FRMD5: variants seen among roughly 807,000 people sequenced by gnomAD.
FRMD5 encodes FERM domain-containing protein 5.
A neutral mutation model predicts 69.0 loss-of-function variants in FRMD5; 20 were observed. The observed-to-expected ratio is 0.29, with a 90% confidence interval of 0.20 to 0.42. The LOEUF is 0.42. FRMD5 is among the 10% of genes least tolerant of loss of function. The pLI, the probability that FRMD5 is intolerant of heterozygous loss-of-function variation, is 1.00. For missense variants in FRMD5, 595 were observed against 708.6 expected, an observed-to-expected ratio of 0.84 and a Z score of 1.82; for synonymous variants, 271 against 260.1, an observed-to-expected ratio of 1.04 and a Z score of -0.40.
chr15:43,884,586 GAGA>G, intron 12 of FRMD5, 138 bp downstream of exon 12: 1 of 642,590 alleles, frequency 1.6e-6, no homozygotes, highest in South Asian at 2.1e-5. Context: ...CCATCCCTCT[GAGA>G]AGTTTCTTCA....
intron 4 of FRMD5, 43 bp downstream of exon 4, chr15:43,919,416 C>G: frequency 6.4e-7 from 1 of 1,562,920 alleles, no homozygotes. Context: ...TTCCTATGCT[C>G]TCCAACAGGT....
chr15:44,174,141 T>C (rs142268979), intron 1 of FRMD5, among the ~76,000 whole-genome samples: 13 of 152,302 alleles, frequency 8.5e-5, no homozygotes, highest in African/African-American at 3.1e-4. Context: ...TTCTGCTCAA[T>C]GTAACCATGC....
intron 1 of FRMD5, among the ~76,000 whole-genome samples, chr15:44,186,457 CCTGA>C (rs2078103485): frequency 1.3e-5 from 2 of 152,154 alleles, no homozygotes; most frequent in African/African-American, 4.8e-5. Context: ...GGATAATTTG[CCTGA>C]CTAAGGAGTG....
At chr15:43,875,810 T>TTTTTTTTTTTTTTTTTA in intron 13 of FRMD5, 1 of 366,270 alleles carries the variant, frequency 2.7e-6, no homozygotes, top group Non-Finnish European at 5.0e-6. Context: ...CCTAGTTTTT[T>TTTTTTTTTTTTTTTTTA]TTTTTTTTTT....
chr15:44,071,641 C>T (rs377674124), intron 1 of FRMD5, among the ~76,000 whole-genome samples: 3 of 152,006 alleles, frequency 2.0e-5, no homozygotes, highest in African/African-American at 7.3e-5. Context: ...CATGGGTATC[C>T]AGAGTTGATT....
At chr15:43,968,683 G>A (rs1045846426) in intron 1 of FRMD5, among the ~76,000 whole-genome samples, 6 of 152,024 alleles carry the variant, frequency 3.9e-5, no homozygotes, top group East Asian at 1.9e-4. Context: ...AATATATGCC[G>A]GGTGTTTTAT....
At chr15:44,049,901 T>C (rs973186710) in intron 1 of FRMD5, among the ~76,000 whole-genome samples, 2 of 152,224 alleles carry the variant, frequency 1.3e-5, no homozygotes, top group African/African-American at 4.8e-5. Flanking sequence ...AACATCTTTA[T>C]TGGAAAGTTA....
At chr15:44,019,529 A>T (rs1891115017) in intron 1 of FRMD5, among the ~76,000 whole-genome samples, 1 of 151,812 alleles carries the variant, frequency 6.6e-6, no homozygotes, top group Non-Finnish European at 1.5e-5. Context: ...TCAGATCCGG[A>T]GTTCGAGACC....
chr15:43,951,980 T>TG (rs1443393652), intron 1 of FRMD5, among the ~76,000 whole-genome samples: 1 of 107,706 alleles, frequency 9.3e-6, no homozygotes, highest in African/African-American at 7.0e-5. Flanking sequence ...TGTGTGTGTG[T>TG]TGTGTGTGTG....
At chr15:44,055,564 G>A (rs975302251) in intron 1 of FRMD5, among the ~76,000 whole-genome samples, 2 of 152,048 alleles carry the variant, frequency 1.3e-5, no homozygotes, top group Non-Finnish European at 2.9e-5. Flanking sequence ...TTAAAACATT[G>A]AAAATAAATT....
intron 4 of FRMD5, among the ~76,000 whole-genome samples, chr15:43,915,883 G>C (rs2089377228): frequency 6.6e-6 from 1 of 152,158 alleles, no homozygotes. Context: ...TGGGATGGAG[G>C]GCTCTAAGCC....
intron 13 of FRMD5, chr15:43,875,757 A>C: frequency 1.8e-6 from 1 of 567,670 alleles, no homozygotes; most frequent in Non-Finnish European, 3.1e-6. Flanking sequence ...CCCAGCCCCT[A>C]ATTTGTTAAA....
At chr15:44,099,774 A>T (rs1017995598) in intron 1 of FRMD5, among the ~76,000 whole-genome samples, 3 of 152,186 alleles carry the variant, frequency 2.0e-5, no homozygotes, top group Non-Finnish European at 2.9e-5. Context: ...CTTGCTATGG[A>T]GGCAGCCACA....
chr15:43,958,867 CA>C (rs1045253494), intron 1 of FRMD5, among the ~76,000 whole-genome samples: 1 of 152,182 alleles, frequency 6.6e-6, no homozygotes, highest in African/African-American at 2.4e-5. Flanking sequence ...GGCTATGTCA[CA>C]AAGGTGGTGA....
chr15:44,012,310 C>T (rs895806440), intron 1 of FRMD5, among the ~76,000 whole-genome samples: 3 of 152,186 alleles, frequency 2.0e-5, no homozygotes, highest in African/African-American at 7.2e-5. Context: ...ATCACAGAGA[C>T]TCTAAACTTT....
At chr15:44,134,069 G>C (rs1316919418) in intron 1 of FRMD5, among the ~76,000 whole-genome samples, 1 of 151,910 alleles carries the variant, frequency 6.6e-6, no homozygotes, top group Non-Finnish European at 1.5e-5. Context: ...TCAAAAGATA[G>C]ATGGAAAATA....
intron 1 of FRMD5, among the ~76,000 whole-genome samples, chr15:43,926,801 A>G (rs952498560): frequency 1.6e-4 from 24 of 150,718 alleles, no homozygotes; most frequent in Admixed American, 6.0e-4. Context: ...GGCTGATAAG[A>G]CCCTGAAAAA....
intron 1 of FRMD5, among the ~76,000 whole-genome samples, chr15:44,023,280 T>C (rs78812513): frequency 6.6e-6 from 1 of 152,254 alleles, no homozygotes; most frequent in African/African-American, 2.4e-5. Flanking sequence ...ATCTGGAGGT[T>C]GTTACAGGAA....
intron 13 of FRMD5, 122 bp from the exon 14 acceptor site, chr15:43,874,584 C>T (rs2088273647): frequency 1.4e-6 from 1 of 696,498 alleles, no homozygotes. Flanking sequence ...GCAGTAGCCA[C>T]TGCACTCTAT....
Sources: gnomAD v4.1 joint callset for allele counts (sites outside exome capture counted in the v4.1 genomes callset) on GRCh38, gnomAD v4.1.1 for gene constraint, MANE v1.5 for transcripts, NCBI Gene and HGNC (gene_info 2026-07-23, HGNC 2026-07-21) for gene names.